IQSEC1: variants seen among roughly 807,000 people sequenced by gnomAD.
The protein encoded by IQSEC1 is IQ motif and SEC7 domain-containing protein 1.
Under a neutral mutation model 91.0 loss-of-function variants are expected in IQSEC1, and 31 were observed. That is an observed-to-expected ratio of 0.34 (90% confidence interval 0.26 to 0.46). The LOEUF is 0.46. Among genes scored for constraint, IQSEC1 ranks in the 20% least tolerant of loss-of-function variants. The probability of loss-of-function intolerance (pLI) is 1.00; values close to 1 mark genes in which losing one functional copy is unlikely to be tolerated. For missense variants in IQSEC1, 1,388 were observed against 1,575.6 expected (o/e 0.88, Z 2.02); for synonymous variants, 699 against 662.6 (o/e 1.05, Z -0.84).
At chr3:12,938,374 A>T (rs1698420436) in intron 2 of IQSEC1, among the ~76,000 whole-genome samples, 4 of 152,186 alleles carry the variant, frequency 2.6e-5, no homozygotes, top group African/African-American at 7.2e-5. Context: ...GGCCTGCACC[A>T]GGGAGACTGG....
chr3:12,921,525 G>T (rs1696629927), intron 5 of IQSEC1, among the ~76,000 whole-genome samples: 1 of 152,236 alleles, frequency 6.6e-6, no homozygotes, highest in South Asian at 2.1e-4. Flanking sequence ...TCAGGAACTG[G>T]GCTAAGTGTG....
chr3:12,967,508 C>T lies in IQSEC1; in HGVS notation c.24-25643G>A. 7.0e-7 allele frequency: 1 copy of T among 1,419,680 alleles called. No individual in the cohort carries two copies. Among genetic ancestry groups the T allele is most frequent in the South Asian group, 1.4e-5 (1 of 69,158 alleles). The allele number at this position is 1,419,680 out of a possible 1,614,324, so 87.9% of individuals were successfully genotyped here. A position where few individuals can be genotyped will look rare whatever the true frequency, so the allele number is the denominator to read the frequency against. On this transcript the variant is annotated intron_variant, in intron 1 of 13. Coordinates refer to ENST00000613206, the MANE Select transcript of IQSEC1 (RefSeq NM_001134382.3). This position sits in a 1 kb window ranked among gnomAD's most constrained non-coding sequence, Gnocchi z 5.9. ...AGCCGGGACCCAGGCCCAGCAGAGG[C>T]CGCCGACTCCCGCCAGCGAGCCGCC... is the stretch of plus-strand genomic sequence containing the variant.
In IQSEC1 at chr3:13,053,338, CCTTCCAAG is replaced by C. The variant is rs71792025; in HGVS notation, c.23+19646_23+19653del. Among the ~76,000 whole-genome samples the C allele has an allele frequency of 8.1e-3, 1,239 of 152,328 alleles. 13 individuals carry two copies. The highest frequency in any genetic ancestry group is 0.027 in the African/African-American group (1,129 of 41,570). On this transcript the variant is annotated intron_variant, in intron 1 of 13. Coordinates refer to ENST00000613206, the MANE Select transcript of IQSEC1 (RefSeq NM_001134382.3). ...TGCAGAACCAGTGAATCCCCTCGAG[CCTTCCAAG>C]CTTAGACAGTTCTGTCCGTTTTAAA...
intron 2 of IQSEC1, among the ~76,000 whole-genome samples, chr3:13,157,547 G>A (rs1413093262): frequency 1.3e-5 from 2 of 152,194 alleles, no homozygotes; most frequent in African/African-American, 4.8e-5. Context: ...AGACCATCCT[G>A]AGGAAATTGC....
chr3:13,195,299 C>G (rs1434744000), intron 1 of IQSEC1, among the ~76,000 whole-genome samples: 3 of 152,136 alleles, frequency 2.0e-5, no homozygotes, highest in African/African-American at 7.2e-5. Flanking sequence ...CACTGCATGC[C>G]TACCGTGATG....
At chr3:13,217,290 C>A (rs760878700) in intron 1 of IQSEC1, among the ~76,000 whole-genome samples, 1 of 152,202 alleles carries the variant, frequency 6.6e-6, no homozygotes, top group African/African-American at 2.4e-5. Flanking sequence ...ATCTTCAGCC[C>A]CCAGCAATCA....
chr3:13,170,862 G>A (rs1693593851), intron 1 of IQSEC1, among the ~76,000 whole-genome samples: 1 of 152,166 alleles, frequency 6.6e-6, no homozygotes, highest in African/African-American at 2.4e-5. Context: ...CACTTTGGGA[G>A]GCCGAGGTGG....
intron 1 of IQSEC1, among the ~76,000 whole-genome samples, chr3:13,035,684 C>G (rs1704009533): frequency 6.6e-6 from 1 of 152,168 alleles, no homozygotes; most frequent in South Asian, 2.1e-4. Context: ...ATCTCCTGTC[C>G]CAAACGCTCT....
At chr3:13,049,070 TA>T (rs1704597212) in intron 1 of IQSEC1, among the ~76,000 whole-genome samples, 1 of 152,140 alleles carries the variant, frequency 6.6e-6, no homozygotes, top group Non-Finnish European at 1.5e-5. Context: ...ACAGGTTTTA[TA>T]GGAGGGAGAG....
intron 2 of IQSEC1, among the ~76,000 whole-genome samples, chr3:13,144,082 A>G (rs1436365095): frequency 6.6e-6 from 1 of 152,180 alleles, no homozygotes; most frequent in Admixed American, 6.5e-5. Flanking sequence ...TTAATCTTGA[A>G]TTAAATCATG....
At chr3:13,027,711 G>A (rs1394641823) in intron 1 of IQSEC1, among the ~76,000 whole-genome samples, 1 of 152,148 alleles carries the variant, frequency 6.6e-6, no homozygotes, top group Non-Finnish European at 1.5e-5. Context: ...CACAGGGATG[G>A]CCAGTGGGAG....
At chr3:13,275,249 G>A (rs536252004) in intron 1 of IQSEC1, among the ~76,000 whole-genome samples, 27 of 152,340 alleles carry the variant, frequency 1.8e-4, no homozygotes, top group African/African-American at 5.8e-4. Flanking sequence ...CACATTCTAA[G>A]TTCAGGTGCA....
chr3:13,099,868 G>A (rs955632545), intron 2 of IQSEC1, among the ~76,000 whole-genome samples: 1 of 152,212 alleles, frequency 6.6e-6, no homozygotes, highest in Non-Finnish European at 1.5e-5. Flanking sequence ...CACGGCATGT[G>A]CAAAGGCCCC....
intron 1 of IQSEC1, among the ~76,000 whole-genome samples, chr3:13,237,434 T>G (rs1694950557): frequency 6.6e-6 from 1 of 152,212 alleles, no homozygotes; most frequent in Non-Finnish European, 1.5e-5. Context: ...TTTCTTCCAG[T>G]GATCTTTATT....
At chr3:13,165,219 C>T (rs1443497057) in intron 1 of IQSEC1, among the ~76,000 whole-genome samples, 1 of 152,158 alleles carries the variant, frequency 6.6e-6, no homozygotes, top group Admixed American at 6.5e-5. Flanking sequence ...TCTCCCTCTC[C>T]AGCAATTCTA....
chr3:13,133,444 G>A (rs1278477106), intron 2 of IQSEC1, among the ~76,000 whole-genome samples: 1 of 152,200 alleles, frequency 6.6e-6, no homozygotes, highest in Non-Finnish European at 1.5e-5. Context: ...GCTGCTTGCT[G>A]GGGGTGAGTT....
chr3:13,165,632 C>T (rs188237742), intron 1 of IQSEC1, among the ~76,000 whole-genome samples: 5 of 149,634 alleles, frequency 3.3e-5, no homozygotes, highest in African/African-American at 7.4e-5. Flanking sequence ...CTGGGGAAGC[C>T]GGCTGCCCTG....
At chr3:13,231,719 C>G (rs897700905) in intron 1 of IQSEC1, among the ~76,000 whole-genome samples, 2 of 152,246 alleles carry the variant, frequency 1.3e-5, no homozygotes, top group Admixed American at 6.5e-5. Context: ...TTCTTCTAAA[C>G]TATAAATTAC....
chr3:13,222,033 C>T (rs1161643781), intron 1 of IQSEC1, among the ~76,000 whole-genome samples: 1 of 152,206 alleles, frequency 6.6e-6, no homozygotes, highest in Non-Finnish European at 1.5e-5. Context: ...GTAAAGGATA[C>T]ATAACACACA....
Sources: allele counts gnomAD v4.1 joint callset (sites outside exome capture counted in the v4.1 genomes callset), GRCh38; gene constraint gnomAD v4.1.1; non-coding constraint Gnocchi (gnomAD v3.1); transcripts MANE v1.5; gene names NCBI Gene and HGNC (gene_info 2026-07-23, HGNC 2026-07-21).